GPM6B: variants seen among roughly 807,000 people sequenced by gnomAD.
GPM6B encodes glycoprotein M6B, also known as neuronal membrane glycoprotein M6-b.
A neutral mutation model predicts 27.2 loss-of-function variants in GPM6B; 4 were observed. The ratio of observed to expected loss-of-function variants is 0.15; its 90% CI spans 0.07 to 0.34. GPM6B has a LOEUF of 0.34. GPM6B is among the 10% of genes least tolerant of loss of function. GPM6B has a pLI of 1.00. For missense variants in GPM6B, 183 were observed against 261.9 expected, an observed-to-expected ratio of 0.70 and a Z score of 2.08; for synonymous variants, 124 against 103.1, an observed-to-expected ratio of 1.20 and a Z score of -1.23.
At chrX:13,797,714 T>C (rs1351537509) in intron 2 of GPM6B, among the ~76,000 whole-genome samples, 2 of 110,193 alleles carry the variant, frequency 1.8e-5, no homozygotes, top group African/African-American at 6.6e-5. Context: ...TGGACTGGAG[T>C]GGGTGCAAGC....
At chrX:13,937,980 C>T (rs758584640) in intron 1 of GPM6B, among the ~76,000 whole-genome samples, 2 of 111,230 alleles carry the variant, frequency 1.8e-5, no homozygotes, top group African/African-American at 6.5e-5. Context: ...TTCCTGGTTT[C>T]AAGGGTCATG....
intron 5 of GPM6B, among the ~76,000 whole-genome samples, chrX:13,778,142 C>T (rs1204176113): frequency 9.2e-6 from 1 of 108,819 alleles, no homozygotes; most frequent in African/African-American, 3.4e-5. Flanking sequence ...CTCCACCTCC[C>T]GGGTTCAAGC....
At chrX:13,853,590 CA>C (rs66531403) in intron 1 of GPM6B, among the ~76,000 whole-genome samples, 1,435 of 38,457 alleles carry the variant, frequency 0.037, 31 homozygotes, top group African/African-American at 0.14. Flanking sequence ...GACACCACCT[CA>C]AAAAAAAAAA....
chrX:13,904,881 G>C (rs1486052089), intron 1 of GPM6B, among the ~76,000 whole-genome samples: 1 of 110,411 alleles, frequency 9.1e-6, no homozygotes, highest in Non-Finnish European at 1.9e-5. Flanking sequence ...TTTATTTCTG[G>C]GATCAAGATA....
intron 1 of GPM6B, among the ~76,000 whole-genome samples, chrX:13,884,075 G>C (rs1356932524): frequency 9.0e-6 from 1 of 110,818 alleles, no homozygotes; most frequent in Non-Finnish European, 1.9e-5. Flanking sequence ...TACTCAGGGG[G>C]ACTGAGACAG....
At chrX:13,832,423 T>C (rs1173816552) in intron 1 of GPM6B, among the ~76,000 whole-genome samples, 1 of 112,354 alleles carries the variant, frequency 8.9e-6, no homozygotes, top group Non-Finnish European at 1.9e-5. Flanking sequence ...GTTAGCATTC[T>C]TGCTTTTGCT....
chrX:13,934,324 G>A (rs1921724296), intron 1 of GPM6B, among the ~76,000 whole-genome samples: 1 of 111,290 alleles, frequency 9.0e-6, no homozygotes, highest in South Asian at 3.9e-4. Flanking sequence ...CAGTTATTCA[G>A]CAGGATTCCA....
chrX:13,904,193 G>A lies in GPM6B; in HGVS notation c.-198+34134C>T, dbSNP rs937847988. On this transcript the variant is annotated intron_variant, in intron 1 of 6. Transcript: ENST00000398361. ...TGTAATCATTTAATTTTATATAAAT[G>A]TAGAATACATATGTTCTGTTAATGC... Among the ~76,000 whole-genome samples the A allele has an allele frequency of 2.7e-5, 3 of 111,893 alleles. No homozygotes were observed. The Admixed American group carries it at 2.8e-4, about 11-fold the overall frequency.
chrX:13,812,001 GA>G (rs1318280554), intron 1 of GPM6B, among the ~76,000 whole-genome samples: 2 of 108,374 alleles, frequency 1.8e-5, no homozygotes, highest in Non-Finnish European at 3.8e-5. Context: ...GAGCTGAAGG[GA>G]CAGAGGAAGA....
At chrX:13,858,526 A>G (rs1477012090) in intron 1 of GPM6B, among the ~76,000 whole-genome samples, 1 of 111,678 alleles carries the variant, frequency 9.0e-6, no homozygotes, top group Non-Finnish European at 1.9e-5. Context: ...GAACCAGTAC[A>G]CACAAGCTCC....
intron 1 of GPM6B, among the ~76,000 whole-genome samples, chrX:13,927,560 T>C (rs1921273993): frequency 8.9e-6 from 1 of 112,814 alleles, no homozygotes; most frequent in African/African-American, 3.2e-5. Context: ...TGGGCCTTTG[T>C]CCACACCTCT....
chrX:13,782,483 G>A (rs1004388992), intron 4 of GPM6B, among the ~76,000 whole-genome samples: 3 of 111,550 alleles, frequency 2.7e-5, no homozygotes, highest in Non-Finnish European at 5.6e-5. Context: ...GTAGAAGTGA[G>A]GGGGAAAGCT....
chrX:13,824,812 A>G (rs2049352759), intron 1 of GPM6B, among the ~76,000 whole-genome samples: 1 of 112,251 alleles, frequency 8.9e-6, no homozygotes, highest in African/African-American at 3.2e-5. Flanking sequence ...CTGCCAGAAC[A>G]AAGTACCACA....
At chrX:13,909,678 G>A (rs1351067987) in intron 1 of GPM6B, among the ~76,000 whole-genome samples, 3 of 111,212 alleles carry the variant, frequency 2.7e-5, no homozygotes, top group Admixed American at 9.6e-5. Context: ...ATGAAATTAA[G>A]TGGGTGCCTT....
At chrX:13,812,825 T>TA (rs1459626214) in intron 1 of GPM6B, 19 of 109,499 alleles carry the variant, frequency 1.7e-4, no homozygotes, top group East Asian at 5.7e-4. Context: ...GCCAAGTCTT[T>TA]AAAAAAATCC....
chrX:13,800,178 A>C (rs1339650519), intron 2 of GPM6B, among the ~76,000 whole-genome samples: 1 of 111,709 alleles, frequency 9.0e-6, no homozygotes, highest in Non-Finnish European at 1.9e-5. Flanking sequence ...GAGAGCCCAC[A>C]CATGGAAAAA....
chrX:13,814,365 T>C (rs760834233), intron 1 of GPM6B, among the ~76,000 whole-genome samples: 173 of 111,331 alleles, frequency 1.6e-3, no homozygotes, highest in African/African-American at 5.5e-3. Flanking sequence ...GGAAAAAAAA[T>C]ATATATGTGC....
At chrX:13,930,629 A>G (rs1036907859) in intron 1 of GPM6B, among the ~76,000 whole-genome samples, 1 of 111,959 alleles carries the variant, frequency 8.9e-6, no homozygotes, top group South Asian at 3.7e-4. Flanking sequence ...AAAAAAAAGA[A>G]ACGAACAAGG....
chrX:13,892,973 G>A (rs1027100854), intron 1 of GPM6B, among the ~76,000 whole-genome samples: 19 of 111,735 alleles, frequency 1.7e-4, no homozygotes, highest in Non-Finnish European at 2.3e-4. Context: ...AGGTTACAGT[G>A]AGCTATGATT....
Sources: allele counts gnomAD v4.1 joint callset (sites outside exome capture counted in the v4.1 genomes callset), GRCh38; gene constraint gnomAD v4.1.1; transcripts MANE v1.5; gene names NCBI Gene and HGNC (gene_info 2026-07-23, HGNC 2026-07-21).